The following ZNF680 variants were observed in gnomAD, a reference collection of about 807,000 sequenced individuals.
ZNF680 encodes the protein hypothetical protein FLJ90430.
Under a neutral mutation model 12.1 loss-of-function variants are expected in ZNF680, and 6 were observed. The observed-to-expected ratio is 0.49, with a 90% CI of 0.27 to 0.98. ZNF680 has a LOEUF of 0.98. Among genes scored for constraint, ZNF680 ranks in the 50% least tolerant of loss-of-function variants. The pLI is 0.12. For synonymous variants in ZNF680, 170 were observed against 199.3 expected (o/e 0.85, Z 1.24); for missense variants, 561 against 616.3 (o/e 0.91, Z 0.95).
At chr7:64,523,065 A>AT (rs1791629550) in intron 3 of ZNF680, among the ~76,000 whole-genome samples, 1 of 152,140 alleles carries the variant, frequency 6.6e-6, no homozygotes, top group Non-Finnish European at 1.5e-5. Flanking sequence ...ACAACACATT[A>AT]TTATATAAAA....
the ZNF680 span, among the ~76,000 whole-genome samples, chr7:64,501,996 T>TC: frequency 1.7e-5 from 2 of 118,392 alleles, no homozygotes; most frequent in Admixed American, 1.9e-4. Context: ...AGGACGTATT[T>TC]CTTTTTTTTT....
downstream of ZNF680, among the ~76,000 whole-genome samples, chr7:64,517,541 C>T (rs146962244): frequency 1.1e-4 from 17 of 152,102 alleles, no homozygotes; most frequent in Middle Eastern, 3.4e-3. Context: ...GGTACCAATC[C>T]TATTGACACT....
chr7:64,553,720 G>C (rs950187506), intron 1 of ZNF680, among the ~76,000 whole-genome samples: 29 of 151,824 alleles, frequency 1.9e-4, no homozygotes, highest in African/African-American at 6.0e-4. Flanking sequence ...CAAGTGCCTG[G>C]GATTGCAGGC....
chr7:64,515,867 C>G (rs79603164), downstream of ZNF680, among the ~76,000 whole-genome samples: 80 of 152,292 alleles, frequency 5.3e-4, no homozygotes, highest in Middle Eastern at 3.4e-3. Context: ...ATCATCATTT[C>G]AGACCCTAAT....
intron 3 of ZNF680, chr7:64,526,538 A>C: frequency 3.9e-6 from 2 of 507,484 alleles, no homozygotes; most frequent in Non-Finnish European, 6.7e-6. Context: ...ACAAACAGAA[A>C]TGCTAAAATG....
At chr7:64,535,082 A>T (rs1786089577) in intron 3 of ZNF680, among the ~76,000 whole-genome samples, 1 of 152,118 alleles carries the variant, frequency 6.6e-6, no homozygotes, top group South Asian at 2.1e-4. Context: ...TGATGAGTGC[A>T]CCAAAATCTA....
chr7:64,554,480 G>A (rs141426619), intron 1 of ZNF680, among the ~76,000 whole-genome samples: 3,323 of 152,270 alleles, frequency 0.022, 52 homozygotes, highest in Admixed American at 0.039. Context: ...CGGCTGCCCC[G>A]TCTGGGAGGT....
intron 3 of ZNF680, chr7:64,526,393 GA>G: frequency 6.9e-7 from 1 of 1,442,052 alleles, no homozygotes; most frequent in Non-Finnish European, 9.1e-7. Flanking sequence ...AGTTCTACAT[GA>G]AGGGCTACAT....
At position 64,520,002 on chromosome 7, in the gene ZNF680, CATTTA is replaced by C. The variant is rs1452755614; in HGVS notation, c.*1154_*1158del. The C allele has an allele frequency of 1.3e-5, 2 of 151,844 alleles. No homozygotes were observed. The highest frequency in any genetic ancestry group is 1.9e-4 in the East Asian group (1 of 5,182). The allele number at this position is 151,844 out of a possible 1,614,324, so 9.4% of individuals were successfully genotyped here. A position where few individuals can be genotyped will look rare whatever the true frequency, so the allele number is the denominator to read the frequency against. ...AAATGATTCACTAGTAATTTAATTA[CATTTA>C]ATTTAAAGTAAAATTAAAAATGCTT... is the stretch of plus-strand genomic sequence containing the variant. On this transcript the variant is annotated 3_prime_UTR_variant, in exon 4 of 4. Coordinates refer to ENST00000309683, the MANE Select transcript of ZNF680 (RefSeq NM_178558.5).
At chr7:64,557,086 T>TA (rs772419930) in intron 1 of ZNF680, among the ~76,000 whole-genome samples, 4 of 151,872 alleles carry the variant, frequency 2.6e-5, no homozygotes, top group Non-Finnish European at 5.9e-5. Flanking sequence ...CCGTCTCTAC[T>TA]AAAAATACAA....
chr7:64,540,537 T>TTC (rs918692422), intron 3 of ZNF680, among the ~76,000 whole-genome samples: 1 of 152,122 alleles, frequency 6.6e-6, no homozygotes, highest in African/African-American at 2.4e-5. Context: ...ACTCCTGACC[T>TTC]TCTGATCCAC....
chr7:64,526,095 A>T, intron 3 of ZNF680: 1 of 944,626 alleles, frequency 1.1e-6, no homozygotes, highest in Non-Finnish European at 1.3e-6. Context: ...ATAAAACAAA[A>T]ATATAAAATT....
chr7:64,500,054 A>C, the ZNF680 span, among the ~76,000 whole-genome samples: 1 of 152,154 alleles, frequency 6.6e-6, no homozygotes, highest in African/African-American at 2.4e-5. Flanking sequence ...AATCCTTAAA[A>C]ATTTTTAGTC....
intron 3 of ZNF680, among the ~76,000 whole-genome samples, chr7:64,533,247 G>T (rs1562750472): frequency 3.3e-5 from 5 of 152,118 alleles, no homozygotes; most frequent in Admixed American, 3.3e-4. Flanking sequence ...CTGGTGATAT[G>T]ATCTTTTATC....
chr7:64,546,853 A>C (rs1786813362), intron 1 of ZNF680, among the ~76,000 whole-genome samples: 1 of 152,118 alleles, frequency 6.6e-6, no homozygotes, highest in Non-Finnish European at 1.5e-5. Flanking sequence ...GTCTCTACCA[A>C]ACCCGAACAG....
intron 3 of ZNF680, among the ~76,000 whole-genome samples, 189 bp from the exon 4 acceptor site, chr7:64,522,689 C>A (rs1791611655): frequency 3.3e-5 from 5 of 149,748 alleles, no homozygotes; most frequent in Admixed American, 2.0e-4. Flanking sequence ...AGGATACACA[C>A]AATGATATTT....
rs1305434878 is a variant in ZNF680, at chr7:64,521,218, A to T, written c.1536T>A (p.His512Gln). 1 of 1,613,430 alleles carries T rather than the reference A, an allele frequency of 6.2e-7. No homozygotes were observed. ...CAGGTTTGTAGAGTTTCTCACCAGTATGAATTTTCTTATGTCTAGTAAGGT... is the reference window on the plus strand; with the variant it reads ...CAGGTTTGTAGAGTTTCTCACCAGTTTGAATTTTCTTATGTCTAGTAAGGT... The part of the protein sequence containing the change: ...SSHLTRHKKI[H>Q]TGEKLYKPEK... The change falls in exon 4 of 4, where the codon CAT becomes CAA. Residue 512 changes from histidine to glutamine, a missense_variant. Transcript: ENST00000309683.
chr7:64,515,040 TCACACA>T (rs60936039), downstream of ZNF680, among the ~76,000 whole-genome samples: 13,672 of 148,980 alleles, frequency 0.092, 724 homozygotes, highest in East Asian at 0.18. Context: ...CAAAACTCTG[TCACACA>T]CACACACACA....
In ZNF680 at chr7:64,521,080, C is replaced by A. The variant is rs1791501402; in HGVS notation, c.*81G>T. ...TTATCTTACCTACAAGCAAGTGTAA[C>A]AATCATTGGAAGGCTTTGTCAAATT... On this transcript the variant is annotated 3_prime_UTR_variant, in exon 4 of 4. Transcript: ENST00000309683. 1 of 1,397,348 alleles carries A rather than the reference C, an allele frequency of 7.2e-7. No individual in the cohort carries two copies. Among genetic ancestry groups the A allele is most frequent in the South Asian group, 1.4e-5 (1 of 70,194 alleles). 86.6% of individuals were successfully genotyped at this position (1,397,348 alleles called of 1,614,324 possible). A position where few individuals can be genotyped will look rare whatever the true frequency, so the allele number is the denominator to read the frequency against.
Sources: allele counts gnomAD v4.1 joint callset (sites outside exome capture counted in the v4.1 genomes callset), GRCh38; gene constraint gnomAD v4.1.1; transcripts MANE v1.5; gene names NCBI Gene and HGNC (gene_info 2026-07-23, HGNC 2026-07-21).